Variants in CFTR observed in about 807,000 individuals in gnomAD.
The protein encoded by CFTR is cystic fibrosis transmembrane conductance regulator.
In CFTR, 181 loss-of-function variants were observed where a neutral mutation model predicts 171.6. That is an observed-to-expected ratio of 1.05 (90% CI 0.93 to 1.19). CFTR has a LOEUF of 1.19. Among genes scored for constraint, CFTR ranks in the 50% most tolerant of loss-of-function variants. The probability of loss-of-function intolerance (pLI) is 0.00; values close to 1 mark genes in which losing one functional copy is unlikely to be tolerated. For synonymous variants in CFTR, 583 were observed against 608.0 expected, an observed-to-expected ratio of 0.96 and a Z score of 0.60; for missense variants, 1,968 against 1,734.7, an observed-to-expected ratio of 1.13 and a Z score of -2.39.
chr7:117,533,171 C>G (rs548562179), intron 4 of CFTR, among the ~76,000 whole-genome samples: 10 of 152,218 alleles, frequency 6.6e-5, no homozygotes, highest in East Asian at 1.9e-4. Flanking sequence ...CAAAGTCACT[C>G]GAGATTAAGC....
In CFTR at chr7:117,611,700, G is replaced by C. The variant is rs771259493; in HGVS notation, c.3259G>C (p.Ala1087Pro). Reference protein sequence around the residue: ...LFHKALNLHTANWFLYLSTLR... With the variant: ...LFHKALNLHTPNWFLYLSTLR... The stretch of plus-strand genomic sequence containing the variant: ...CCACAAAGCTCTGAATTTACATACT[G>C]CCAACTGGTTCTTGTACCTGTCAAC... The change falls in exon 20 of 27, where the codon GCC becomes CCC. Residue 1087 changes from alanine to proline, a missense_variant. Coordinates refer to ENST00000003084, the MANE Select transcript of CFTR (RefSeq NM_000492.4). 1 of 1,613,474 alleles carries C rather than the reference G, an allele frequency of 6.2e-7. No homozygotes were observed. The highest frequency in any genetic ancestry group is 8.5e-7 in the Non-Finnish European group (1 of 1,179,690).
intron 11 of CFTR, among the ~76,000 whole-genome samples, chr7:117,578,506 A>G (rs1358856178): frequency 6.6e-6 from 1 of 152,134 alleles, no homozygotes; most frequent in Non-Finnish European, 1.5e-5. Flanking sequence ...TCTGGTAGTT[A>G]CAAGTTATAT....
At chr7:117,543,815 C>G (rs1799095370) in intron 9 of CFTR, among the ~76,000 whole-genome samples, 1 of 152,196 alleles carries the variant, frequency 6.6e-6, no homozygotes. Flanking sequence ...GTTAAACTTC[C>G]TGTTTGCGAC....
intron 18 of CFTR, 68 bp downstream of exon 18, chr7:117,606,821 A>C: frequency 1.1e-6 from 1 of 938,574 alleles, no homozygotes; most frequent in Non-Finnish European, 1.8e-6. Context: ...AGCAAATGTG[A>C]TTTTGTTTTC....
At position 117,603,725 on chromosome 7, in the gene CFTR, A is replaced by C; in HGVS notation, c.2851A>C (p.Lys951Gln). Residue 951 changes from lysine (K) to glutamine (Q), a missense_variant, in exon 17 of 27, where the codon AAA becomes CAA. Lys to Gln is a moderately conservative substitution (Grantham distance 53). Coordinates refer to ENST00000003084, the MANE Select transcript of CFTR (RefSeq NM_000492.4). ...CACAGTGTCGAAAATTTTACACCAC[A>C]AAATGTTACATTCTGTTCTTCAAGC... ...LITVSKILHH[K>Q]MLHSVLQAPM... is the part of the protein sequence containing the mutation. The C allele has an allele frequency of 6.2e-7, 1 of 1,614,070 alleles. No homozygotes were observed. Among genetic ancestry groups the C allele is most frequent in the Admixed American group, 1.7e-5 (1 of 59,996 alleles).
In CFTR at chr7:117,550,201, G is replaced by A. The variant is rs577376163; in HGVS notation, c.1392+1378G>A. Among the ~76,000 whole-genome samples, 197 of 152,112 alleles carry A rather than the reference G, an allele frequency of 1.3e-3. 1 individual carries two copies. The highest frequency in any genetic ancestry group is 4.7e-3 in the African/African-American group (195 of 41,512). ...AACACAAACAAAAGAAAATAGCTGG[G>A]TGTGGTGGTGTGTGCCTGTAGTCCC... On this transcript the variant is annotated intron_variant, in intron 10 of 26. Coordinates refer to ENST00000003084, the MANE Select transcript of CFTR (RefSeq NM_000492.4).
chr7:117,604,172 C>T (rs1351948726), intron 17 of CFTR, among the ~76,000 whole-genome samples: 1 of 138,826 alleles, frequency 7.2e-6, no homozygotes, highest in East Asian at 1.9e-4. Flanking sequence ...TATATTTTTT[C>T]TATTGATTAA....
At chr7:117,566,102 A>G (rs957920622) in intron 11 of CFTR, among the ~76,000 whole-genome samples, 26 of 152,166 alleles carry the variant, frequency 1.7e-4, no homozygotes, top group African/African-American at 5.5e-4. Flanking sequence ...AGGAATTAAC[A>G]TTTGCATTCA....
chr7:117,667,023 G>A lies in CFTR; in HGVS notation c.4358G>A (p.Arg1453Gln), dbSNP rs141554123. Residue 1453 changes from arginine (R) to glutamine (Q), a missense_variant, in exon 27 of 27, where the codon CGG (arginine) becomes CAG (glutamine). Transcript: ENST00000003084. Reference protein sequence around the residue: ...PSDRVKLFPHRNSSKCKSKPQ... With the variant: ...PSDRVKLFPHQNSSKCKSKPQ... ...GACAGGGTGAAGCTCTTTCCCCACC[G>A]GAACTCAAGCAAGTGCAAGTCTAAG... 82 of 1,614,000 alleles carry A rather than the reference G, an allele frequency of 5.1e-5. No individual in the cohort carries two copies. The South Asian group carries it at 7.5e-4, about 15-fold the overall frequency.
chr7:117,600,890 AT>A (rs1338499811), intron 15 of CFTR, among the ~76,000 whole-genome samples: 1 of 152,036 alleles, frequency 6.6e-6, no homozygotes. Flanking sequence ...TACACCAAAT[AT>A]TTTTTTAAAG....
At chr7:117,578,661 C>T (rs745889079) in intron 11 of CFTR, among the ~76,000 whole-genome samples, 46 of 152,226 alleles carry the variant, frequency 3.0e-4, no homozygotes, top group Admixed American at 8.5e-4. Context: ...ATGAAACTCA[C>T]ATTTTATAGG....
At chr7:117,648,142 T>C (rs1793027137) in intron 23 of CFTR, among the ~76,000 whole-genome samples, 2 of 150,556 alleles carry the variant, frequency 1.3e-5, no homozygotes, top group African/African-American at 4.9e-5. Flanking sequence ...ACTGTGTGAG[T>C]GTGTGCATAT....
Position 117,602,941 on chromosome 7 carries a change from G to A in CFTR, c.2657+78G>A, listed in dbSNP as rs921793362. On this transcript the variant is annotated intron_variant, in intron 16 of 26. Transcript: ENST00000003084. ...ATATTGTAATCCACTATGTTTGTAT[G>A]TATTGTAATCCACTTTGTTTCATTT... 2.1e-5 allele frequency: 26 copies of A among 1,248,816 alleles called. No individual in the cohort carries two copies. In the African/African-American group the frequency reaches 2.7e-4, roughly 13 times the overall value. The allele number at this position is 1,248,816 out of a possible 1,614,324, so 77.4% of individuals were successfully genotyped here.
intron 11 of CFTR, among the ~76,000 whole-genome samples, chr7:117,586,738 G>A (rs780214298): frequency 2.6e-5 from 4 of 151,848 alleles, no homozygotes; most frequent in Non-Finnish European, 4.4e-5. Context: ...AGGTGGAAAC[G>A]AATGTACAAG....
At position 117,592,118 on chromosome 7, in the gene CFTR, G is replaced by A. The variant is rs780526529; in HGVS notation, c.1951G>A (p.Asp651Asn). The change falls in exon 14 of 27, where the codon GAC becomes AAC. Residue 651 changes from aspartate to asparagine, a missense_variant. Asp to Asn is a conservative substitution (Grantham distance 23, BLOSUM62 1). Coordinates refer to ENST00000003084, the MANE Select transcript of CFTR (RefSeq NM_000492.4). ...SSKLMGCDSF[D>N]QFSAERRNSI... ...AAAACTCATGGGATGTGATTCTTTC[G>A]ACCAATTTAGTGCAGAAAGAAGAAA... 13 of 1,613,824 alleles carry A rather than the reference G, an allele frequency of 8.1e-6. No individual in the cohort carries two copies. The highest frequency in any genetic ancestry group is 4.5e-5 in the East Asian group (2 of 44,862).
chr7:117,548,364 G>A (rs963655862), intron 9 of CFTR, among the ~76,000 whole-genome samples: 61 of 148,530 alleles, frequency 4.1e-4, no homozygotes, highest in Non-Finnish European at 1.0e-4. Context: ...GTGTGTGTGT[G>A]TATGTGTATG....
chr7:117,614,397 T>C (rs1425623907), intron 20 of CFTR, among the ~76,000 whole-genome samples: 1 of 152,138 alleles, frequency 6.6e-6, no homozygotes, highest in Non-Finnish European at 1.5e-5. Flanking sequence ...ATTCAATCGC[T>C]CTTTGATTTA....
At chr7:117,502,496 G>C (rs572423331) in intron 1 of CFTR, among the ~76,000 whole-genome samples, 1 of 152,154 alleles carries the variant, frequency 6.6e-6, no homozygotes, top group African/African-American at 2.4e-5. Context: ...TAGTTTACAA[G>C]GGCTCATAAT....
At chr7:117,511,265 G>A (rs1798513096) in intron 3 of CFTR, among the ~76,000 whole-genome samples, 1 of 152,100 alleles carries the variant, frequency 6.6e-6, no homozygotes, top group Non-Finnish European at 1.5e-5. Flanking sequence ...ATACCTGGGG[G>A]AGGAACTGTA....
Sources: gnomAD v4.1 joint callset for allele counts (sites outside exome capture counted in the v4.1 genomes callset) on GRCh38, gnomAD v4.1.1 for gene constraint, MANE v1.5 for transcripts, NCBI Gene and HGNC (gene_info 2026-07-23, HGNC 2026-07-21) for gene names.